The following PSG5 variants were observed in gnomAD, a reference collection of about 807,000 sequenced individuals.
PSG5 encodes pregnancy-specific beta-1-glycoprotein 5.
A neutral mutation model predicts 37.7 loss-of-function variants in PSG5; 53 were observed. The observed-to-expected ratio is 1.41, with a 90% confidence interval of 1.13 to 1.77. The LOEUF (loss-of-function observed/expected upper bound fraction) is 1.77. Ranked by LOEUF, PSG5 falls within the 40% of genes most tolerant of loss-of-function variation. The pLI is 0.00. For synonymous variants in PSG5, 221 were observed against 155.4 expected (o/e 1.42, Z -3.14); for missense variants, 547 against 405.2 (o/e 1.35, Z -3.00).
chr19:43,179,088 A>G (rs1969072769), intron 2 of PSG5: 2 of 1,611,344 alleles, frequency 1.2e-6, no homozygotes, highest in Non-Finnish European at 1.7e-6. Context: ...ATCACAGGTT[A>G]AGATCACAGC....
intron 2 of PSG5, among the ~76,000 whole-genome samples, chr19:43,183,961 C>A (rs1351934732): frequency 6.6e-6 from 1 of 151,596 alleles, no homozygotes; most frequent in Non-Finnish European, 1.5e-5. Flanking sequence ...AGTCACCTGA[C>A]CTAATGCTTG....
At chr19:43,178,995 G>C in intron 2 of PSG5, 1 of 1,612,760 alleles carries the variant, frequency 6.2e-7, no homozygotes. Context: ...GGTCCTGTTG[G>C]TTTTGGACAG....
intron 1 of PSG5, 61 bp downstream of exon 1, chr19:43,186,280 GA>G: frequency 6.2e-7 from 1 of 1,608,302 alleles, no homozygotes; most frequent in Non-Finnish European, 8.5e-7. Context: ...TCCTCTCCAG[GA>G]GACCCAATCC....
In PSG5 at chr19:43,178,755, C is replaced by T. The variant is rs1365771951; in HGVS notation, c.431-2607G>A. The T allele has an allele frequency of 4.4e-6, 7 of 1,599,926 alleles. No homozygotes were observed. The Admixed American group carries it at 5.0e-5, about 11-fold the overall frequency. ...TTTTGCCTGGGGCAGAAAGTCATGG[C>T]CAGCTTTGATGTCCAGGGGTAAAGG... is the stretch of plus-strand genomic sequence containing the variant. On this transcript the variant is annotated intron_variant, in intron 2 of 5. Coordinates refer to ENST00000342951, the MANE Select transcript of PSG5 (RefSeq NM_002781.4).
At chr19:43,175,176 C>T (rs775122075) in intron 4 of PSG5, 39 bp downstream of exon 4, 4 of 1,611,942 alleles carry the variant, frequency 2.5e-6, no homozygotes, top group Non-Finnish European at 3.4e-6. Flanking sequence ...GTAGACTCCA[C>T]CTAAAACCCT....
intron 1 of PSG5, 146 bp from the exon 2 acceptor site, chr19:43,185,293 G>C: frequency 8.3e-7 from 1 of 1,202,128 alleles, no homozygotes; most frequent in South Asian, 1.5e-5. Flanking sequence ...AAAGGTGCAT[G>C]TTAGTTTGTG....
intron 5 of PSG5, among the ~76,000 whole-genome samples, 153 bp from the exon 6 acceptor site, chr19:43,168,356 A>G (rs1968830944): frequency 6.6e-6 from 1 of 151,616 alleles, no homozygotes. Flanking sequence ...TATAATTTTT[A>G]GAATACTCAT....
intron 4 of PSG5, chr19:43,170,582 A>G: frequency 3.0e-6 from 1 of 329,270 alleles, no homozygotes; most frequent in Non-Finnish European, 6.2e-6. Context: ...TCCTTTGCAC[A>G]GAAAGCTTCT....
chr19:43,185,077 A>C lies in PSG5; in HGVS notation c.135T>G (p.Val45=), dbSNP rs537949812. Residue 45 remains valine (V), a synonymous_variant, in exon 2 of 6, where the codon GTT becomes GTG. Coordinates refer to ENST00000342951, the MANE Select transcript of PSG5 (RefSeq NM_002781.4). ...GTAGAAGAACATCCTTCCCCTCGGA[A>C]ACTTTGGGTGGCAGGGCTTCAATCG... The part of the protein sequence containing the change: ...QVTIEALPPK[V]SEGKDVLLLV... 2.9e-5 allele frequency: 46 copies of C among 1,612,308 alleles called. 1 individual carries two copies. In the South Asian group the frequency reaches 4.8e-4, roughly 17 times the overall value.
chr19:43,179,386 G>A (rs1039357372), intron 2 of PSG5, among the ~76,000 whole-genome samples: 9 of 151,616 alleles, frequency 5.9e-5, no homozygotes, highest in African/African-American at 2.2e-4. Flanking sequence ...TGTGAATTGA[G>A]CAGCAGCATT....
Position 43,175,319 on chromosome 19 carries a change from G to A in PSG5, c.860C>T (p.Ser287Phe), listed in dbSNP as rs201663751. 8.1e-5 allele frequency: 130 copies of A among 1,612,754 alleles called. 1 individual carries two copies. Among genetic ancestry groups the A allele is most frequent in the Non-Finnish European group, 1.0e-4 (120 of 1,179,258 alleles). Reference protein sequence around the residue: ...GKFQQSGQKLSIPQITTKHRG... With the variant: ...GKFQQSGQKLFIPQITTKHRG... Reference sequence around the variant, plus strand: ...ATGCTTTGTAGTAATTTGGGGGATAGAGAGCTTTTGTCCTGATTGCTGAAA... The same window carrying A: ...ATGCTTTGTAGTAATTTGGGGGATAAAGAGCTTTTGTCCTGATTGCTGAAA... Residue 287 changes from serine (S) to phenylalanine (F), a missense_variant, in exon 4 of 6, where the codon TCT (serine) becomes TTT (phenylalanine). Physicochemically the swap from Ser to Phe is radical, Grantham distance 155. Coordinates refer to ENST00000342951, the MANE Select transcript of PSG5 (RefSeq NM_002781.4).
intron 1 of PSG5, among the ~76,000 whole-genome samples, 200 bp downstream of exon 1, chr19:43,186,142 A>G (rs1189309512): frequency 6.6e-6 from 1 of 150,928 alleles, no homozygotes; most frequent in Non-Finnish European, 1.5e-5. Context: ...ATACCTGGTT[A>G]ATTTTTTGTA....
chr19:43,175,432 G>T lies in PSG5; in HGVS notation c.747C>A (p.Thr249=), dbSNP rs780615431. The T allele has an allele frequency of 6.2e-7, 1 of 1,612,426 alleles. No homozygotes were observed. Among genetic ancestry groups the T allele is most frequent in the South Asian group, 1.1e-5 (1 of 91,036 alleles). ...PDLPSIYPSF[T]YYRSGENLYL... is the part of the protein sequence containing the mutation. ...AGAGGTTTTCTCCTGAACGGTAATA[G>T]GTGAATGAAGGGTAAATGCTGGGGA... Residue 249 remains threonine, a synonymous_variant, in exon 4 of 6, where the codon ACC becomes ACA. Transcript: ENST00000342951.
At chr19:43,174,436 G>C (rs1336353366) in intron 4 of PSG5, 2 of 812,064 alleles carry the variant, frequency 2.5e-6, no homozygotes, top group Non-Finnish European at 3.0e-6. Flanking sequence ...AGAGCCCCAG[G>C]GGTGAATCTC....
Position 43,184,899 on chromosome 19 carries a change from C to A in PSG5, c.313G>T (p.Ala105Ser), listed in dbSNP as rs770840796. The change falls in exon 2 of 6, where the codon GCA becomes TCA. Residue 105 changes from alanine to serine, a missense_variant. Coordinates refer to ENST00000342951, the MANE Select transcript of PSG5 (RefSeq NM_002781.4). ...YTGRETVYSN[A>S]SLLIQNVTRE... ...GTGACATTCTGGATCAGCAGGGATG[C>A]ATTGGAATATACTGTTTCTCGTCCA... 6.2e-7 allele frequency: 1 copy of A among 1,612,466 alleles called. No individual in the cohort carries two copies.
intron 4 of PSG5, 126 bp downstream of exon 4, chr19:43,175,089 G>A (rs1468425493): frequency 3.8e-6 from 6 of 1,590,212 alleles, no homozygotes; most frequent in Non-Finnish European, 5.1e-6. Context: ...TTCAGGAGGA[G>A]AATTTGGGAT....
At position 43,186,494 on chromosome 19, in the gene PSG5, C is replaced by T; in HGVS notation, c.-89G>A. 6.3e-7 allele frequency: 1 copy of T among 1,580,182 alleles called. No individual in the cohort carries two copies. The highest frequency in any genetic ancestry group is 8.6e-7 in the Non-Finnish European group (1 of 1,160,514). The stretch of plus-strand genomic sequence containing the variant: ...ACGGCTGTAGGCTGTGCTGTCCTTC[C>T]TCCTTCTGTGCTGAGCCTCTCTCCA... On this transcript the variant is annotated 5_prime_UTR_variant, in exon 1 of 6. Transcript: ENST00000342951.
chr19:43,184,464 C>T (rs902407379), intron 2 of PSG5, among the ~76,000 whole-genome samples: 5 of 151,610 alleles, frequency 3.3e-5, no homozygotes, highest in African/African-American at 7.3e-5. Context: ...CTACTCAGTT[C>T]TCCAGGGTCT....
In PSG5 at chr19:43,175,749, G is replaced by A. The variant is rs1217118610; in HGVS notation, c.709+121C>T. 7 of 1,538,482 alleles carry A rather than the reference G, an allele frequency of 4.5e-6. No homozygotes were observed. The African/African-American group carries it at 6.9e-5, about 15-fold the overall frequency. On this transcript the variant is annotated intron_variant, in intron 3 of 5. Coordinates refer to ENST00000342951, the MANE Select transcript of PSG5 (RefSeq NM_002781.4). ...TTCCAAGGGCAGGGAGTCATGGCCAGCTCAGATGTCCAGAAATAAAGGTGT... is the reference window on the plus strand; with the variant it reads ...TTCCAAGGGCAGGGAGTCATGGCCAACTCAGATGTCCAGAAATAAAGGTGT...
Sources: allele counts gnomAD v4.1 joint callset (sites outside exome capture counted in the v4.1 genomes callset), GRCh38; gene constraint gnomAD v4.1.1; transcripts MANE v1.5; gene names NCBI Gene and HGNC (gene_info 2026-07-23, HGNC 2026-07-21).